GRK5: variants seen among roughly 807,000 people sequenced by gnomAD.
GRK5 encodes g protein-coupled receptor kinase GRK5.
A neutral mutation model predicts 78.4 loss-of-function variants in GRK5; 40 were observed. The observed-to-expected ratio is 0.51, with a 90% CI of 0.40 to 0.66. GRK5 has a LOEUF of 0.66. GRK5 is among the 30% of genes least tolerant of loss of function. The pLI is 0.00. For missense variants in GRK5, 598 were observed against 759.9 expected (o/e 0.79, Z 2.50); for synonymous variants, 289 against 296.8 (o/e 0.97, Z 0.27).
intron 2 of GRK5, chr10:119,335,951 T>C (rs1016893032): frequency 2.0e-5 from 3 of 152,186 alleles, no homozygotes; most frequent in Non-Finnish European, 4.4e-5. Context: ...GCCAGCAGAG[T>C]GTTGCACACA....
chr10:119,315,506 CAG>C lies in GRK5; in HGVS notation c.53-11009_53-11008del, dbSNP rs557418062. On this transcript the variant is annotated intron_variant, in intron 1 of 15. Transcript: ENST00000392870. ...AGGGAGGAACAGGAGGCAGTAGACA[CAG>C]GGGTAACCCATTCTCATCAGAACAG... 1.5e-3 allele frequency among the ~76,000 whole-genome samples: 221 copies of C among 152,290 alleles called. 4 individuals are homozygous for C. Among genetic ancestry groups the C allele is most frequent in the African/African-American group, 5.0e-3 (209 of 41,538 alleles).
At chr10:119,444,865 A>C in intron 12 of GRK5, among the ~76,000 whole-genome samples, 1 of 152,192 alleles carries the variant, frequency 6.6e-6, no homozygotes, top group East Asian at 1.9e-4. Context: ...GAGTTTAGGA[A>C]GCAGCAGTCC....
chr10:119,334,717 C>A (rs1850844361), intron 2 of GRK5: 1 of 152,002 alleles, frequency 6.6e-6, no homozygotes, highest in Non-Finnish European at 1.5e-5. Context: ...TCTGAGGGGG[C>A]TTGAGTGAAA....
At chr10:119,359,987 C>T (rs111691703) in intron 2 of GRK5, among the ~76,000 whole-genome samples, 46 of 143,192 alleles carry the variant, frequency 3.2e-4, no homozygotes, top group Admixed American at 7.7e-4. Context: ...GCTGAGGAGG[C>T]GGAGGGAGGC....
chr10:119,415,111 A>G (rs923999046), intron 4 of GRK5, among the ~76,000 whole-genome samples: 2 of 151,122 alleles, frequency 1.3e-5, no homozygotes, highest in Non-Finnish European at 2.9e-5. Flanking sequence ...AAAGAAAAAG[A>G]AAAAAGAAAT....
At chr10:119,413,576 C>T (rs780254906) in intron 4 of GRK5, among the ~76,000 whole-genome samples, 1 of 151,974 alleles carries the variant, frequency 6.6e-6, no homozygotes, top group African/African-American at 2.4e-5. Context: ...GTTCCGTCTG[C>T]GGGCATTTGC....
chr10:119,381,210 A>G (rs2133831527), intron 3 of GRK5, among the ~76,000 whole-genome samples: 1 of 152,354 alleles, frequency 6.6e-6, no homozygotes, highest in Admixed American at 6.5e-5. Context: ...AGCCTGGGTT[A>G]TTATGGGAGG....
At chr10:119,416,039 G>A (rs765694684) in intron 4 of GRK5, among the ~76,000 whole-genome samples, 15 of 152,210 alleles carry the variant, frequency 9.9e-5, no homozygotes, top group Non-Finnish European at 1.9e-4. Context: ...CGGTGGCTCT[G>A]GGGAGGCCTC....
chr10:119,229,090 C>G (rs753070198), intron 1 of GRK5, among the ~76,000 whole-genome samples: 1 of 152,030 alleles, frequency 6.6e-6, no homozygotes, highest in Non-Finnish European at 1.5e-5. Flanking sequence ...CTTTCAAATG[C>G]GAATTTGATT....
intron 1 of GRK5, among the ~76,000 whole-genome samples, chr10:119,301,327 T>C (rs1457723604): frequency 6.6e-6 from 1 of 152,224 alleles, no homozygotes; most frequent in Non-Finnish European, 1.5e-5. Flanking sequence ...CCACGCAGCC[T>C]TGGCCCTTTT....
intron 1 of GRK5, among the ~76,000 whole-genome samples, chr10:119,222,846 G>T (rs571748189): frequency 6.6e-6 from 1 of 152,170 alleles, no homozygotes; most frequent in East Asian, 1.9e-4. Context: ...CCTTCCTTCC[G>T]CAAAGAAGGG....
At chr10:119,249,143 T>G (rs562582921) in intron 1 of GRK5, among the ~76,000 whole-genome samples, 1 of 152,030 alleles carries the variant, frequency 6.6e-6, no homozygotes, top group Admixed American at 6.5e-5. Flanking sequence ...TGGTGGCGGG[T>G]GCCTGTAATC....
chr10:119,312,551 A>G (rs11819686), intron 1 of GRK5, among the ~76,000 whole-genome samples: 1 of 152,152 alleles, frequency 6.6e-6, no homozygotes, highest in Non-Finnish European at 1.5e-5. Flanking sequence ...CAGAGACCCT[A>G]TCTGGCCCTT....
intron 2 of GRK5, among the ~76,000 whole-genome samples, chr10:119,375,114 T>C (rs1851602660): frequency 6.6e-6 from 1 of 152,176 alleles, no homozygotes; most frequent in South Asian, 2.1e-4. Context: ...ACCTACCACT[T>C]TCTGTCTGTT....
In GRK5 at chr10:119,217,735, C is replaced by T. The variant is rs1848597194; in HGVS notation, c.52+9766C>T. On this transcript the variant is annotated intron_variant, in intron 1 of 15. Transcript: ENST00000392870. The surrounding 1 kb of genome is among the most constrained non-coding windows in gnomAD (Gnocchi z 4.1). ...TGGGCAGCGGGCATGCCAGTTCCTG[C>T]TGGCTCACCACACATAGCTCCCATC... Among the ~76,000 whole-genome samples, 1 of 152,204 alleles carries T rather than the reference C, an allele frequency of 6.6e-6. No individual in the cohort carries two copies. The highest frequency in any genetic ancestry group is 2.1e-4 in the South Asian group (1 of 4,834).
At position 119,398,204 on chromosome 10, in the gene GRK5, A is replaced by G. The variant is rs576699153; in HGVS notation, c.339+1432A>G. Among the ~76,000 whole-genome samples, 4 of 152,134 alleles carry G rather than the reference A, an allele frequency of 2.6e-5. No individual in the cohort carries two copies. In the South Asian group the frequency reaches 8.3e-4, roughly 32 times the overall value. On this transcript the variant is annotated intron_variant, in intron 4 of 15. Transcript: ENST00000392870. ...GTCCCTGTTCACCCAGTCGCAGCCGATGTCATATTGGTGGGGCTCTGGCTA... is the reference window on the plus strand; with the variant it reads ...GTCCCTGTTCACCCAGTCGCAGCCGGTGTCATATTGGTGGGGCTCTGGCTA...
intron 3 of GRK5, 53 bp downstream of exon 3, chr10:119,380,980 G>C: frequency 8.6e-7 from 1 of 1,158,898 alleles, no homozygotes; most frequent in South Asian, 1.3e-5. Context: ...ATCAGTGATT[G>C]TTTTGGCTCA....
In GRK5 at chr10:119,448,953, C is replaced by T. The variant is rs1291445778; in HGVS notation, c.1404+693C>T. On this transcript the variant is annotated intron_variant, in intron 13 of 15. Coordinates refer to ENST00000392870, the MANE Select transcript of GRK5 (RefSeq NM_005308.3). Reference sequence around the variant, plus strand: ...CTGTGCGGGATACGTGCTGTGATTCCGGGGCCTGCTCTGTTTAAAGTCAGG... The same window carrying T: ...CTGTGCGGGATACGTGCTGTGATTCTGGGGCCTGCTCTGTTTAAAGTCAGG... Among the ~76,000 whole-genome samples the T allele has an allele frequency of 6.6e-5, 10 of 152,316 alleles. No individual in the cohort carries two copies. The South Asian group carries it at 8.3e-4, about 13-fold the overall frequency.
chr10:119,274,156 G>A (rs1849630681), intron 1 of GRK5, among the ~76,000 whole-genome samples: 1 of 152,186 alleles, frequency 6.6e-6, no homozygotes, highest in Non-Finnish European at 1.5e-5. Flanking sequence ...GCATCTGATT[G>A]GAGACTGGTC....
Sources: gnomAD v4.1 joint callset for allele counts (sites outside exome capture counted in the v4.1 genomes callset) on GRCh38, gnomAD v4.1.1 for gene constraint, Gnocchi (gnomAD v3.1) non-coding constraint, MANE v1.5 for transcripts, NCBI Gene and HGNC (gene_info 2026-07-23, HGNC 2026-07-21) for gene names.